The following SNX8 variants were observed in gnomAD, a reference collection of about 807,000 sequenced individuals.
The protein encoded by SNX8 is sorting nexin-8.
In SNX8, 25 loss-of-function variants were observed where a neutral mutation model predicts 51.6. That is an observed-to-expected ratio of 0.48 (90% CI 0.35 to 0.68). The LOEUF is 0.68. SNX8 is among the 30% of genes least tolerant of loss of function. The pLI, the probability that SNX8 is intolerant of heterozygous loss-of-function variation, is 0.00. For missense variants in SNX8, 695 were observed against 624.0 expected (o/e 1.11, Z -1.21); for synonymous variants, 324 against 277.0 (o/e 1.17, Z -1.68).
intron 8 of SNX8, 108 bp from the exon 9 acceptor site, chr7:2,257,622 C>A: frequency 6.4e-7 from 1 of 1,564,794 alleles, no homozygotes; most frequent in South Asian, 1.1e-5. Context: ...CCGTCTTCCC[C>A]TGCAGCCCTG....
chr7:2,310,821 T>C (rs1796644296), intron 1 of SNX8, among the ~76,000 whole-genome samples: 1 of 152,066 alleles, frequency 6.6e-6, no homozygotes, highest in Non-Finnish European at 1.5e-5. Flanking sequence ...CTAGAGAATA[T>C]ACTACGCTAG....
intron 1 of SNX8, among the ~76,000 whole-genome samples, chr7:2,289,867 T>C (rs1411759481): frequency 6.6e-6 from 1 of 152,140 alleles, no homozygotes; most frequent in East Asian, 1.9e-4. Context: ...ACTACGCTCC[T>C]GCCTGGGCAA....
chr7:2,286,490 AAGC>A (rs1489553618), intron 1 of SNX8, among the ~76,000 whole-genome samples: 1 of 151,780 alleles, frequency 6.6e-6, no homozygotes, highest in Admixed American at 6.6e-5. Context: ...CATGTGCATA[AAGC>A]TGTAATGTGC....
chr7:2,348,721 C>A (rs1019309798), intron 1 of SNX8, among the ~76,000 whole-genome samples: 6 of 150,806 alleles, frequency 4.0e-5, no homozygotes, highest in African/African-American at 1.5e-4. Context: ...GAGAGGCGGG[C>A]GGATCACCTG....
At chr7:2,326,044 T>C (rs922866919) in intron 1 of SNX8, among the ~76,000 whole-genome samples, 1 of 151,994 alleles carries the variant, frequency 6.6e-6, no homozygotes, top group African/African-American at 2.4e-5. Flanking sequence ...TGAGGCTTGG[T>C]TTTTTCTTGC....
rs1297210338 is a variant in SNX8, at chr7:2,275,279, C to T, written c.301-50G>A. On this transcript the variant is annotated intron_variant, in intron 2 of 10. Coordinates refer to ENST00000222990, the MANE Select transcript of SNX8 (RefSeq NM_013321.4). ...GATCCGACGTTGGAAACTATGCTGT[C>T]GCGTCACTTCCCCTCAACAGAGCCC... is the stretch of plus-strand genomic sequence containing the variant. 22 of 1,247,374 alleles carry T rather than the reference C, an allele frequency of 1.8e-5. 1 individual carries two copies. Among genetic ancestry groups the T allele is most frequent in the African/African-American group, 8.8e-5 (6 of 67,824 alleles). 77.3% of individuals were successfully genotyped at this position (1,247,374 alleles called of 1,614,324 possible). A position where few individuals can be genotyped will look rare whatever the true frequency, so the allele number is the denominator to read the frequency against.
At chr7:2,322,495 G>C (rs993937888) in intron 1 of SNX8, among the ~76,000 whole-genome samples, 2 of 152,042 alleles carry the variant, frequency 1.3e-5, no homozygotes, top group East Asian at 3.9e-4. Flanking sequence ...AGGGGTTCGA[G>C]ATCAGCCTGG....
chr7:2,301,681 T>C (rs531544475), intron 1 of SNX8, among the ~76,000 whole-genome samples: 1 of 152,318 alleles, frequency 6.6e-6, no homozygotes, highest in Non-Finnish European at 1.5e-5. Flanking sequence ...CGTGTTGCCA[T>C]GGTGATGGTA....
At chr7:2,257,539 C>T in intron 8 of SNX8, 25 bp from the exon 9 acceptor site, 4 of 1,599,568 alleles carry the variant, frequency 2.5e-6, no homozygotes, top group Non-Finnish European at 3.4e-6. Context: ...GAGGCATTCG[C>T]CCGCTGTCTG....
At chr7:2,261,992 C>T (rs1201635147) in intron 7 of SNX8, among the ~76,000 whole-genome samples, 1 of 152,200 alleles carries the variant, frequency 6.6e-6, no homozygotes, top group African/African-American at 2.4e-5. Flanking sequence ...GCCACTTTCC[C>T]AAGAAATAGG....
Position 2,263,324 on chromosome 7 carries a change from G to A in SNX8, c.821C>T (p.Ala274Val). 1 of 1,612,926 alleles carries A rather than the reference G, an allele frequency of 6.2e-7. No individual in the cohort carries two copies. Among genetic ancestry groups the A allele is most frequent in the Non-Finnish European group, 8.5e-7 (1 of 1,179,596 alleles). ...GSDTTPLPSW[A>V]ALNSSTWGSL... The stretch of plus-strand genomic sequence containing the variant: ...CCCCCACGTGCTGCTATTCAGAGCG[G>A]CCCAGGAGGGCAGCGGGGTCGTGTC... Residue 274 changes from alanine (A) to valine (V), a missense_variant, in exon 7 of 11, where the codon GCC becomes GTC. By Grantham distance (64) the Ala-to-Val change is moderately conservative (BLOSUM62 0). Coordinates refer to ENST00000222990, the MANE Select transcript of SNX8 (RefSeq NM_013321.4).
At chr7:2,281,400 C>T (rs1440888712) in intron 1 of SNX8, among the ~76,000 whole-genome samples, 1 of 148,980 alleles carries the variant, frequency 6.7e-6, no homozygotes, top group Admixed American at 6.8e-5. Flanking sequence ...GCCTGGGTGA[C>T]AGAGTAAGAC....
At chr7:2,318,322 A>C (rs1235106865), upstream of SNX8, among the ~76,000 whole-genome samples, 2 of 152,006 alleles carry the variant, frequency 1.3e-5, no homozygotes. Context: ...AGGCTGAGGC[A>C]GGCAGATCAC....
intron 1 of SNX8, among the ~76,000 whole-genome samples, chr7:2,297,665 G>A (rs1796303472): frequency 6.6e-6 from 1 of 151,140 alleles, no homozygotes; most frequent in Non-Finnish European, 1.5e-5. Context: ...ATGAGTAGAT[G>A]CAGAAAATGT....
intron 1 of SNX8, among the ~76,000 whole-genome samples, chr7:2,332,920 GGAGA>G (rs201619684): frequency 1.7e-4 from 26 of 151,636 alleles, no homozygotes; most frequent in Admixed American, 7.9e-4. Flanking sequence ...GGGAAAGAAA[GGAGA>G]GAGAGAGGGA....
intron 1 of SNX8, among the ~76,000 whole-genome samples, chr7:2,347,622 T>C (rs1779057752): frequency 6.6e-6 from 1 of 150,856 alleles, no homozygotes; most frequent in African/African-American, 2.4e-5. Flanking sequence ...TCTTTTTTTT[T>C]TTTTTTTTTG....
intron 1 of SNX8, among the ~76,000 whole-genome samples, chr7:2,305,687 TA>T (rs902000882): frequency 3.0e-4 from 46 of 152,110 alleles, no homozygotes; most frequent in African/African-American, 1.0e-3. Flanking sequence ...TTTGTATTAT[TA>T]AATACTTTAC....
At chr7:2,262,614 C>T (rs1382927947) in intron 7 of SNX8, among the ~76,000 whole-genome samples, 1 of 152,160 alleles carries the variant, frequency 6.6e-6, no homozygotes, top group Non-Finnish European at 1.5e-5. Context: ...TCTGGTCCAC[C>T]CAGGAGTATG....
intron 6 of SNX8, 46 bp from the exon 7 acceptor site, chr7:2,263,408 C>T (rs745580302): frequency 6.5e-7 from 1 of 1,536,948 alleles, no homozygotes; most frequent in Non-Finnish European, 8.8e-7. Context: ...AGGCCTGGAG[C>T]TCACCTGGCA....
Sources: allele counts gnomAD v4.1 joint callset (sites outside exome capture counted in the v4.1 genomes callset), GRCh38; gene constraint gnomAD v4.1.1; transcripts MANE v1.5; gene names NCBI Gene and HGNC (gene_info 2026-07-23, HGNC 2026-07-21).